Variants in RBFOX1 observed in about 807,000 individuals in gnomAD.
RBFOX1 encodes RNA binding protein fox-1 homolog 1.
Under a neutral mutation model 57.7 loss-of-function variants are expected in RBFOX1, and 8 were observed. That is an observed-to-expected ratio of 0.14 (90% confidence interval 0.08 to 0.25). RBFOX1 has a LOEUF of 0.25. RBFOX1 is among the 10% of genes least tolerant of loss of function. The pLI is 1.00. For synonymous variants in RBFOX1, 326 were observed against 222.4 expected, an observed-to-expected ratio of 1.47 and a Z score of -4.15; for missense variants, 611 against 548.5, an observed-to-expected ratio of 1.11 and a Z score of -1.14.
chr16:5,793,712 G>A lies in RBFOX1; in HGVS notation c.319-73591G>A, dbSNP rs538834882. Among the ~76,000 whole-genome samples the A allele has an allele frequency of 7.3e-4, 111 of 152,344 alleles. 1 individual carries two copies. Among genetic ancestry groups the A allele is most frequent in the African/African-American group, 2.5e-3 (102 of 41,592 alleles). On this transcript the variant is annotated intron_variant, in intron 3 of 19. Coordinates refer to the RBFOX1 transcript ENST00000641259. ...CCCCATTGGGAGACTTTCCAGGCTG[G>A]GAGGGAGCCTGGATCTATGTACATG...
intron 3 of RBFOX1, among the ~76,000 whole-genome samples, chr16:7,038,042 C>T (rs1597690087): frequency 6.6e-6 from 1 of 152,044 alleles, no homozygotes; most frequent in Non-Finnish European, 1.5e-5. Context: ...ATATTCTATC[C>T]CAGTAGAGAG....
At chr16:6,506,951 G>T (rs1044355873) in intron 2 of RBFOX1, among the ~76,000 whole-genome samples, 1 of 152,068 alleles carries the variant, frequency 6.6e-6, no homozygotes, top group African/African-American at 2.4e-5. Context: ...CCCAGCCTTA[G>T]TAGTAGCTAA....
intron 1 of RBFOX1, among the ~76,000 whole-genome samples, chr16:5,422,323 G>T (rs1021109606): frequency 2.1e-5 from 3 of 142,872 alleles, no homozygotes; most frequent in Admixed American, 1.4e-4. Flanking sequence ...TGTAGCAAAG[G>T]GGAAGAGGAG....
intron 4 of RBFOX1, among the ~76,000 whole-genome samples, chr16:7,094,268 A>T (rs570711973): frequency 1.5e-4 from 23 of 152,256 alleles, no homozygotes; most frequent in Admixed American, 4.6e-4. Context: ...ATTGATATTC[A>T]ATACCAACAA....
chr16:6,711,314 A>G (rs143280915), intron 3 of RBFOX1, among the ~76,000 whole-genome samples: 221 of 152,254 alleles, frequency 1.5e-3, no homozygotes, highest in Middle Eastern at 0.01. Context: ...GAATAAAAGA[A>G]AAAGTCCTTG....
intron 2 of RBFOX1, among the ~76,000 whole-genome samples, chr16:6,455,399 G>C (rs2094745282): frequency 6.6e-6 from 1 of 152,166 alleles, no homozygotes; most frequent in Non-Finnish European, 1.5e-5. Context: ...GGGAAAGGCT[G>C]CAGAGAGAAG....
chr16:6,648,258 C>T (rs1270160858), intron 2 of RBFOX1, among the ~76,000 whole-genome samples: 1 of 151,560 alleles, frequency 6.6e-6, no homozygotes, highest in East Asian at 1.9e-4. Context: ...ACACTGTCTC[C>T]CTAAGGTTTC....
intron 2 of RBFOX1, among the ~76,000 whole-genome samples, chr16:5,524,362 A>G (rs1597393372): frequency 2.0e-5 from 3 of 152,190 alleles, no homozygotes; most frequent in African/African-American, 7.2e-5. Context: ...TTCGAGAGAC[A>G]CTTCTATTAA....
chr16:5,308,278 G>A (rs559649850), intron 1 of RBFOX1, among the ~76,000 whole-genome samples: 32 of 151,784 alleles, frequency 2.1e-4, no homozygotes, highest in Non-Finnish European at 3.7e-4. Flanking sequence ...AGTGAACTGA[G>A]ATTGCGCCAC....
chr16:5,629,487 A>C (rs918946015), intron 3 of RBFOX1, among the ~76,000 whole-genome samples: 7 of 152,240 alleles, frequency 4.6e-5, no homozygotes, highest in African/African-American at 1.7e-4. Flanking sequence ...CCACTGCCCA[A>C]AGAGGGCTTC....
At chr16:5,484,189 A>C (rs186714916) in intron 2 of RBFOX1, among the ~76,000 whole-genome samples, 167 of 152,292 alleles carry the variant, frequency 1.1e-3, no homozygotes, top group African/African-American at 3.9e-3. Flanking sequence ...AAACGAAAAC[A>C]AAGATGCCAG....
chr16:5,262,718 G>A (rs1279469632), intron 1 of RBFOX1, among the ~76,000 whole-genome samples: 1 of 152,230 alleles, frequency 6.6e-6, no homozygotes, highest in East Asian at 1.9e-4. Flanking sequence ...CCAAGGAAAA[G>A]CATGGAGGCA....
intron 4 of RBFOX1, among the ~76,000 whole-genome samples, chr16:7,218,933 G>C (rs2092495493): frequency 6.6e-6 from 1 of 152,124 alleles, no homozygotes. Context: ...GGTTTGGGCA[G>C]GCATATGGTC....
chr16:7,535,499 A>C (rs1468494128), intron 5 of RBFOX1, among the ~76,000 whole-genome samples: 1 of 152,228 alleles, frequency 6.6e-6, no homozygotes, highest in East Asian at 1.9e-4. Flanking sequence ...TCAGGAAGGA[A>C]GCTAGATACA....
intron 1 of RBFOX1, among the ~76,000 whole-genome samples, chr16:6,278,595 T>C (rs1296698687): frequency 6.6e-6 from 1 of 152,066 alleles, no homozygotes; most frequent in Non-Finnish European, 1.5e-5. Context: ...TTTTCGTAGA[T>C]TATCGTGGGT....
chr16:6,894,238 G>A (rs2066217069), intron 3 of RBFOX1, among the ~76,000 whole-genome samples: 1 of 152,108 alleles, frequency 6.6e-6, no homozygotes, highest in African/African-American at 2.4e-5. Context: ...GTCACAGATG[G>A]CATTGGTCAT....
At chr16:6,083,677 G>A (rs1310195339) in intron 1 of RBFOX1, among the ~76,000 whole-genome samples, 2 of 152,030 alleles carry the variant, frequency 1.3e-5, no homozygotes, top group Admixed American at 6.5e-5. Context: ...GGGTCTCACT[G>A]TGTTGCCCAG....
intron 9 of RBFOX1, among the ~76,000 whole-genome samples, chr16:7,605,888 G>C (rs944571360): frequency 6.6e-6 from 1 of 152,042 alleles, no homozygotes; most frequent in Non-Finnish European, 1.5e-5. Flanking sequence ...ACCTAGGCTG[G>C]AGTACAGTGG....
intron 4 of RBFOX1, among the ~76,000 whole-genome samples, chr16:7,453,921 T>C (rs1357024542): frequency 6.6e-6 from 1 of 152,114 alleles, no homozygotes. Flanking sequence ...GTGTTGGTCT[T>C]CTGGTAGGGG....
Sources: gnomAD v4.1 joint callset for allele counts (sites outside exome capture counted in the v4.1 genomes callset) on GRCh38, gnomAD v4.1.1 for gene constraint, MANE v1.5 for transcripts, NCBI Gene and HGNC (gene_info 2026-07-23, HGNC 2026-07-21) for gene names.